The following SLC26A8 variants were observed in gnomAD, a reference collection of about 807,000 sequenced individuals.
SLC26A8 encodes solute carrier family 26 member 8, also known as testis anion transporter 1.
Under a neutral mutation model 105.0 loss-of-function variants are expected in SLC26A8, and 70 were observed. The ratio of observed to expected loss-of-function variants is 0.67; its 90% CI spans 0.55 to 0.81. The LOEUF (loss-of-function observed/expected upper bound fraction) is 0.81. Ranked by LOEUF, SLC26A8 falls within the 40% of genes least tolerant of loss-of-function variation. The pLI, the probability that SLC26A8 is intolerant of heterozygous loss-of-function variation, is 0.00. For synonymous variants in SLC26A8, 415 were observed against 438.3 expected (o/e 0.95, Z 0.66); for missense variants, 998 against 1,181.8 (o/e 0.84, Z 2.28).
chr6:36,003,669 T>TC (rs919798239), intron 3 of SLC26A8, among the ~76,000 whole-genome samples: 2 of 146,590 alleles, frequency 1.4e-5, no homozygotes, highest in Non-Finnish European at 3.0e-5. Flanking sequence ...CTTTTTTTCT[T>TC]TTTTTTTTTT....
In SLC26A8 at chr6:36,019,548, T is replaced by G. The variant is rs1762076156; in HGVS notation, c.160A>C (p.Thr54Pro). The G allele has an allele frequency of 1.9e-6, 3 of 1,613,844 alleles. No homozygotes were observed. The Admixed American group carries it at 5.0e-5, about 27-fold the overall frequency. The part of the protein sequence containing the change: ...SSSGNMNINI[T>P]TFRHHVQCRC... ...CACTGGACGTGGTGTCTGAAGGTGG[T>G]GATGTTGATGTTCATGTTCCCAGAA... The change falls in exon 2 of 20, where the codon ACC becomes CCC. Residue 54 changes from threonine (T) to proline (P), a missense_variant. By Grantham distance (38) the Thr-to-Pro change is conservative. Transcript: ENST00000490799.
chr6:36,011,085 A>G (rs1761844185), intron 3 of SLC26A8, among the ~76,000 whole-genome samples: 1 of 152,170 alleles, frequency 6.6e-6, no homozygotes, highest in South Asian at 2.1e-4. Flanking sequence ...AGAAAAATAG[A>G]GAAATGGAGG....
intron 11 of SLC26A8, among the ~76,000 whole-genome samples, chr6:35,968,609 G>GTGTGTGTA (rs1168496588): frequency 5.8e-4 from 35 of 60,054 alleles, no homozygotes; most frequent in African/African-American, 1.7e-3. Context: ...GTGTGTGTGT[G>GTGTGTGTA]TATATATATA....
intron 17 of SLC26A8, 45 bp from the exon 18 acceptor site, chr6:35,951,544 T>C: frequency 6.3e-7 from 1 of 1,599,676 alleles, no homozygotes; most frequent in Non-Finnish European, 8.6e-7. Flanking sequence ...TTATACTTGC[T>C]AGGAAAGGCC....
intron 19 of SLC26A8, among the ~76,000 whole-genome samples, chr6:35,945,439 G>A (rs1771627202): frequency 6.6e-6 from 1 of 152,178 alleles, no homozygotes; most frequent in African/African-American, 2.4e-5. Context: ...GGCCTATAAG[G>A]CTGTGTGTGA....
At chr6:35,999,704 T>C (rs1761464899) in intron 4 of SLC26A8, among the ~76,000 whole-genome samples, 1 of 152,206 alleles carries the variant, frequency 6.6e-6, no homozygotes, top group African/African-American at 2.4e-5. Flanking sequence ...CTGCATCTTC[T>C]GGGTTGAGGG....
chr6:35,968,484 G>A (rs1354433107), intron 11 of SLC26A8, among the ~76,000 whole-genome samples: 1 of 150,122 alleles, frequency 6.7e-6, no homozygotes, highest in Non-Finnish European at 1.5e-5. Context: ...ACGGTGCCCA[G>A]CCCTATAACT....
intron 1 of SLC26A8, among the ~76,000 whole-genome samples, chr6:36,023,546 C>CA (rs59633591): frequency 0.031 from 1,985 of 63,306 alleles, 55 homozygotes; most frequent in Non-Finnish European, 0.039. Flanking sequence ...GACTCTGTCT[C>CA]AAAAAAAAAA....
rs542232311 is a variant in SLC26A8 at position 35,981,300 on chromosome 6, T to C, written c.1025+821A>G. On this transcript the variant is annotated intron_variant, in intron 8 of 19. Coordinates refer to ENST00000490799, the MANE Select transcript of SLC26A8 (RefSeq NM_052961.4). The surrounding 1 kb of genome is among the most constrained non-coding windows in gnomAD (Gnocchi z 4.0). The stretch of plus-strand genomic sequence containing the variant: ...CTTAAGAACTCCATATGCCAGGCTA[T>C]TTGAAGATCACTTTCTACCCAGAGT... Among the ~76,000 whole-genome samples, 17 of 152,312 alleles carry C rather than the reference T, an allele frequency of 1.1e-4. No individual in the cohort carries two copies. Among genetic ancestry groups the C allele is most frequent in the Admixed American group, 9.2e-4 (14 of 15,296 alleles).
intron 12 of SLC26A8, 34 bp from the exon 13 acceptor site, chr6:35,961,133 T>C (rs1772293129): frequency 6.5e-7 from 1 of 1,541,166 alleles, no homozygotes; most frequent in Non-Finnish European, 8.9e-7. Context: ...AAAATGATCA[T>C]GAAAACAAGT....
chr6:35,974,601 A>G (rs1195932881), intron 10 of SLC26A8, among the ~76,000 whole-genome samples: 5 of 152,218 alleles, frequency 3.3e-5, no homozygotes, highest in African/African-American at 9.6e-5. Context: ...GCCCTTTTGA[A>G]GAAGCCAGGA....
chr6:35,968,291 T>A (rs1239562372), intron 11 of SLC26A8, among the ~76,000 whole-genome samples: 1 of 152,048 alleles, frequency 6.6e-6, no homozygotes, highest in East Asian at 1.9e-4. Context: ...ATTACAGGCA[T>A]GCACCACCAT....
chr6:35,980,241 G>A (rs1020716744), intron 8 of SLC26A8, among the ~76,000 whole-genome samples: 42 of 152,336 alleles, frequency 2.8e-4, no homozygotes, highest in African/African-American at 9.9e-4. Context: ...CCAAACTGCT[G>A]GGATTACAGG....
At chr6:36,014,199 G>A (rs1761937201) in intron 2 of SLC26A8, among the ~76,000 whole-genome samples, 1 of 152,174 alleles carries the variant, frequency 6.6e-6, no homozygotes, top group South Asian at 2.1e-4. Context: ...TCCTTCACCT[G>A]GTTCAGTCTG....
intron 1 of SLC26A8, among the ~76,000 whole-genome samples, chr6:36,022,967 G>T (rs1177925657): frequency 6.7e-6 from 1 of 148,882 alleles, no homozygotes; most frequent in Non-Finnish European, 1.5e-5. Context: ...GGCCCCCAGA[G>T]ATTCTGATTC....
Position 35,997,857 on chromosome 6 carries a change from C to G in SLC26A8, c.508G>C (p.Gly170Arg), listed in dbSNP as rs151303308. The G allele has an allele frequency of 7.4e-6, 12 of 1,614,068 alleles. No homozygotes were observed. The highest frequency in any genetic ancestry group is 2.2e-5 in the East Asian group (1 of 44,872). Residue 170 changes from glycine to arginine, a missense_variant, in exon 5 of 20, where the codon GGT becomes CGT. Gly to Arg is a moderately radical substitution (Grantham distance 125). Coordinates refer to ENST00000490799, the MANE Select transcript of SLC26A8 (RefSeq NM_052961.4). ...NVLKVSPFNN[G>R]QLVMGSFVKN... ...ACGAAAGATCCCATGACCAGTTGAC[C>G]GTTGTTGAATGGGCTCACTTTCAGA...
rs568449319 is a variant in SLC26A8, at chr6:35,957,574, C to T, written c.1863+1886G>A. Among the ~76,000 whole-genome samples, 819 of 150,516 alleles carry T rather than the reference C, an allele frequency of 5.4e-3. 3 individuals carry two copies. Among genetic ancestry groups the T allele is most frequent in the Non-Finnish European group, 8.8e-3 (594 of 67,822 alleles). On this transcript the variant is annotated intron_variant, in intron 16 of 19. Coordinates refer to ENST00000490799, the MANE Select transcript of SLC26A8 (RefSeq NM_052961.4). ...GCTCAGTGGCAGGGAGATGTGAGCTCCTCTAGGCAGAGGGAATTCTCTGAG... is the reference window on the plus strand; with the variant it reads ...GCTCAGTGGCAGGGAGATGTGAGCTTCTCTAGGCAGAGGGAATTCTCTGAG...
At chr6:36,009,673 A>G (rs1017618214) in intron 3 of SLC26A8, among the ~76,000 whole-genome samples, 26 of 152,164 alleles carry the variant, frequency 1.7e-4, no homozygotes, top group African/African-American at 6.3e-4. Context: ...CATATTAATG[A>G]TTGCTAGGGA....
intron 7 of SLC26A8, among the ~76,000 whole-genome samples, chr6:35,991,413 A>C (rs573375343): frequency 0.017 from 2,528 of 152,026 alleles, 50 homozygotes; most frequent in African/African-American, 0.043. Context: ...AAAAAAAAAA[A>C]AAAAAAAACT....
Sources: gnomAD v4.1 joint callset for allele counts (sites outside exome capture counted in the v4.1 genomes callset) on GRCh38, gnomAD v4.1.1 for gene constraint, Gnocchi (gnomAD v3.1) non-coding constraint, MANE v1.5 for transcripts, NCBI Gene and HGNC (gene_info 2026-07-23, HGNC 2026-07-21) for gene names.